ABCB4: variants seen among roughly 807,000 people sequenced by gnomAD.
ABCB4 encodes phosphatidylcholine translocator ABCB4.
Under a neutral mutation model 145.7 loss-of-function variants are expected in ABCB4, and 76 were observed. The observed-to-expected ratio is 0.52, with a 90% CI of 0.43 to 0.63. The LOEUF (loss-of-function observed/expected upper bound fraction) is 0.63. ABCB4 is among the 30% of genes least tolerant of loss of function. The pLI is 0.00. For missense variants in ABCB4, 1,234 were observed against 1,553.1 expected, an observed-to-expected ratio of 0.79 and a Z score of 3.45; for synonymous variants, 517 against 566.8, an observed-to-expected ratio of 0.91 and a Z score of 1.25.
intron 4 of ABCB4, among the ~76,000 whole-genome samples, chr7:87,461,430 G>T: frequency 6.6e-6 from 1 of 152,134 alleles, no homozygotes; most frequent in East Asian, 1.9e-4. Flanking sequence ...ATGGCAGAAA[G>T]ACCAGCAGTG....
the ABCB4 span, chr7:87,393,098 C>T: frequency 2.5e-6 from 4 of 1,602,556 alleles, no homozygotes; most frequent in African/African-American, 5.4e-5. Context: ...TCTTTCTGTG[C>T]TATAGAGTAG....
intron 14 of ABCB4, among the ~76,000 whole-genome samples, chr7:87,437,862 T>A (rs998279399): frequency 6.6e-6 from 1 of 152,286 alleles, no homozygotes; most frequent in Non-Finnish European, 1.5e-5. Context: ...GAGTAGTTCA[T>A]CAGCTATTTT....
chr7:87,418,349 A>G (rs1455116306), intron 20 of ABCB4, among the ~76,000 whole-genome samples, 188 bp downstream of exon 20: 2 of 152,224 alleles, frequency 1.3e-5, no homozygotes, highest in Non-Finnish European at 2.9e-5. Flanking sequence ...TGGATTCTGG[A>G]TTAAATCTGG....
intron 5 of ABCB4, among the ~76,000 whole-genome samples, chr7:87,453,663 A>G (rs1276129124): frequency 6.6e-6 from 1 of 152,224 alleles, no homozygotes; most frequent in Non-Finnish European, 1.5e-5. Context: ...ACTGTTAGCC[A>G]AAGAAAATGG....
chr7:87,369,606 T>C, the ABCB4 span: 1 of 358,798 alleles, frequency 2.8e-6, no homozygotes, highest in Admixed American at 5.5e-5. Context: ...TTATGCATGC[T>C]TTTTTAAAAA....
At chr7:87,468,961 A>C (rs1813149306) in intron 3 of ABCB4, among the ~76,000 whole-genome samples, 1 of 151,140 alleles carries the variant, frequency 6.6e-6, no homozygotes, top group Admixed American at 6.6e-5. Context: ...AAAATAAAAT[A>C]AAATAAAATA....
intron 26 of ABCB4, chr7:87,405,941 C>T (rs2116337758): frequency 2.8e-6 from 1 of 362,006 alleles, no homozygotes; most frequent in East Asian, 6.7e-5. Flanking sequence ...TCTCTGTATT[C>T]CTTACAATTA....
chr7:87,433,660 C>G lies in ABCB4; in HGVS notation c.1732-2095G>C, dbSNP rs936174927. 1.1e-3 allele frequency among the ~76,000 whole-genome samples: 132 copies of G among 122,050 alleles called. 1 individual carries two copies. Among genetic ancestry groups the G allele is most frequent in the African/African-American group, 3.8e-3 (126 of 32,984 alleles). The allele number at this position is 122,050 out of a possible 152,430, so 80.1% of individuals were successfully genotyped here. A position where few individuals can be genotyped will look rare whatever the true frequency, so the allele number is the denominator to read the frequency against. Reference sequence around the variant, plus strand: ...AGTTGGCCAAAGTAGAGCTTTGACACAAAAAATTGTTGTTGTTTTTTTTTT... The same window carrying G: ...AGTTGGCCAAAGTAGAGCTTTGACAGAAAAAATTGTTGTTGTTTTTTTTTT... On this transcript the variant is annotated intron_variant, in intron 14 of 27. Coordinates refer to ENST00000649586, the MANE Select transcript of ABCB4 (RefSeq NM_000443.4).
chr7:87,402,881 C>T (rs1399890808), intron 27 of ABCB4, among the ~76,000 whole-genome samples: 1 of 152,116 alleles, frequency 6.6e-6, no homozygotes, highest in East Asian at 1.9e-4. Context: ...CACCTGTAGT[C>T]CCAGCTACTC....
intron 3 of ABCB4, among the ~76,000 whole-genome samples, chr7:87,469,074 C>T (rs1219209504): frequency 6.6e-6 from 1 of 152,068 alleles, no homozygotes; most frequent in South Asian, 2.1e-4. Flanking sequence ...TCAACATACA[C>T]AAATCAATAA....
chr7:87,405,756 C>CATCTGCAATCCCCATCTGT (rs1185342430), intron 26 of ABCB4, among the ~76,000 whole-genome samples: 1 of 152,042 alleles, frequency 6.6e-6, no homozygotes, highest in Non-Finnish European at 1.5e-5. Context: ...TATGAATCCC[C>CATCTGCAATCCCCATCTGT]ATCTGCAATA....
At chr7:87,369,827 A>G in the ABCB4 span, 1 of 148,814 alleles carries the variant, frequency 6.7e-6, no homozygotes, top group African/African-American at 2.4e-5. Context: ...AATATATATA[A>G]TATATAATAT....
chr7:87,403,361 TAG>T (rs1807945701), intron 26 of ABCB4, 80 bp from the exon 27 acceptor site: 1 of 1,318,496 alleles, frequency 7.6e-7, no homozygotes, highest in East Asian at 2.3e-5. Flanking sequence ...GAAAAACATT[TAG>T]AGTCAATAAC....
chr7:87,398,538 G>C (rs149253384), downstream of ABCB4: 28 of 1,613,528 alleles, frequency 1.7e-5, no homozygotes, highest in African/African-American at 3.5e-4. Flanking sequence ...GTTGTGGCCT[G>C]TTCAGCCTGG....
At chr7:87,440,084 C>A (rs1038343629) in intron 13 of ABCB4, 115 bp downstream of exon 13, 11 of 1,273,912 alleles carry the variant, frequency 8.6e-6, no homozygotes, top group African/African-American at 1.5e-5. Context: ...ACTTATCTAG[C>A]AAAGTTGGAC....
At chr7:87,449,064 C>A (rs148954656) in intron 8 of ABCB4, among the ~76,000 whole-genome samples, 1 of 152,172 alleles carries the variant, frequency 6.6e-6, no homozygotes, top group Non-Finnish European at 1.5e-5. Context: ...GAGATATACA[C>A]ACTAAAGATG....
intron 2 of ABCB4, among the ~76,000 whole-genome samples, chr7:87,473,116 A>C (rs1288928718): frequency 6.6e-6 from 1 of 152,216 alleles, no homozygotes; most frequent in Non-Finnish European, 1.5e-5. Context: ...CATTGCTGTC[A>C]CCAGTAGGGC....
At chr7:87,398,678 TATC>T, downstream of ABCB4, 1 of 1,601,208 alleles carries the variant, frequency 6.2e-7, no homozygotes, top group Admixed American at 1.7e-5. Flanking sequence ...TACCAAAACA[TATC>T]ATTAAACTGA....
rs45518338 is a variant in ABCB4 at position 87,442,882 on chromosome 7, C to T, written c.1356+437G>A. Among the ~76,000 whole-genome samples the T allele has an allele frequency of 9.7e-3, 1,480 of 152,230 alleles. 23 individuals carry two copies. The highest frequency in any genetic ancestry group is 0.034 in the African/African-American group (1,406 of 41,532). On this transcript the variant is annotated intron_variant, in intron 12 of 27. Transcript: ENST00000649586. Reference sequence around the variant, plus strand: ...TTCTTAAGAGACCATCCCACTTTCCCCCTTAGATATTCCTAAGTTTAAGAA... The same window carrying T: ...TTCTTAAGAGACCATCCCACTTTCCTCCTTAGATATTCCTAAGTTTAAGAA...
Sources: allele counts gnomAD v4.1 joint callset (sites outside exome capture counted in the v4.1 genomes callset), GRCh38; gene constraint gnomAD v4.1.1; transcripts MANE v1.5; gene names NCBI Gene and HGNC (gene_info 2026-07-23, HGNC 2026-07-21).